CADM1: variants seen among roughly 807,000 people sequenced by gnomAD.
CADM1 encodes cell adhesion molecule 1, also known as TSLC-1.
Under a neutral mutation model 53.1 loss-of-function variants are expected in CADM1, and 15 were observed. The ratio of observed to expected loss-of-function variants is 0.28; its 90% CI spans 0.19 to 0.44. The LOEUF (loss-of-function observed/expected upper bound fraction) is 0.44, where lower values mean the gene tolerates loss of function less well. CADM1 is among the 20% of genes least tolerant of loss of function. The pLI, the probability that CADM1 is intolerant of heterozygous loss-of-function variation, is 1.00. For synonymous variants in CADM1, 281 were observed against 243.0 expected, an observed-to-expected ratio of 1.16 and a Z score of -1.45; for missense variants, 434 against 611.3, an observed-to-expected ratio of 0.71 and a Z score of 3.06.
intron 1 of CADM1, among the ~76,000 whole-genome samples, chr11:115,384,296 T>A (rs1160694958): frequency 6.6e-6 from 1 of 152,168 alleles, no homozygotes; most frequent in Non-Finnish European, 1.5e-5. Flanking sequence ...TATAGCCGAC[T>A]CATTAAAAGG....
At chr11:115,429,948 A>AG (rs1349624402) in intron 1 of CADM1, among the ~76,000 whole-genome samples, 9 of 152,168 alleles carry the variant, frequency 5.9e-5, no homozygotes, top group African/African-American at 2.2e-4. Context: ...TGAGGGCGTG[A>AG]GGGGGGATGA....
intron 9 of CADM1, among the ~76,000 whole-genome samples, chr11:115,197,052 C>G (rs1322260747): frequency 1.3e-5 from 2 of 152,132 alleles, no homozygotes; most frequent in Non-Finnish European, 2.9e-5. Flanking sequence ...TCCCTTTGCA[C>G]CAATGACCAG....
At chr11:115,488,116 C>T (rs1949417268) in intron 1 of CADM1, among the ~76,000 whole-genome samples, 1 of 151,840 alleles carries the variant, frequency 6.6e-6, no homozygotes. Flanking sequence ...CTCAAAACTT[C>T]AACTAATTGC....
chr11:115,255,201 G>T (rs1189879688), intron 1 of CADM1, among the ~76,000 whole-genome samples: 1 of 152,300 alleles, frequency 6.6e-6, no homozygotes, highest in African/African-American at 2.4e-5. Flanking sequence ...GTCAGTTAAG[G>T]TCTAGCTGCC....
At chr11:115,233,196 C>T (rs950998691) in intron 3 of CADM1, among the ~76,000 whole-genome samples, 12 of 152,084 alleles carry the variant, frequency 7.9e-5, no homozygotes, top group African/African-American at 2.7e-4. Context: ...TTCTTTGTTT[C>T]CCGTGTACAA....
chr11:115,344,061 A>C (rs1465858687), intron 1 of CADM1, among the ~76,000 whole-genome samples: 2 of 146,710 alleles, frequency 1.4e-5, no homozygotes, highest in Non-Finnish European at 3.0e-5. Flanking sequence ...CCAAACACTC[A>C]CCTACTTCCA....
At chr11:115,424,288 T>C (rs1307545429) in intron 1 of CADM1, among the ~76,000 whole-genome samples, 1 of 152,180 alleles carries the variant, frequency 6.6e-6, no homozygotes, top group African/African-American at 2.4e-5. Context: ...CTGTGTGTCA[T>C]CACAGGTCTC....
At chr11:115,390,012 G>C (rs536299109) in intron 1 of CADM1, among the ~76,000 whole-genome samples, 2 of 152,212 alleles carry the variant, frequency 1.3e-5, no homozygotes, top group South Asian at 2.1e-4. Flanking sequence ...GGAGACAGTC[G>C]TAAGTGGTAC....
At chr11:115,495,442 G>A (rs1329251478) in intron 1 of CADM1, among the ~76,000 whole-genome samples, 1 of 152,174 alleles carries the variant, frequency 6.6e-6, no homozygotes. Context: ...AGGGAAGGGT[G>A]TCAGGCAAGC....
chr11:115,198,118 G>A (rs980929572), intron 9 of CADM1, among the ~76,000 whole-genome samples: 3 of 152,202 alleles, frequency 2.0e-5, no homozygotes, highest in East Asian at 1.9e-4. Context: ...TGTATTTCAA[G>A]GTTTGGTGGA....
intron 7 of CADM1, among the ~76,000 whole-genome samples, chr11:115,210,786 A>T (rs1296226495): frequency 2.6e-5 from 4 of 152,204 alleles, no homozygotes; most frequent in Non-Finnish European, 5.9e-5. Flanking sequence ...GCAACTTCCC[A>T]AAAGTTTATA....
chr11:115,316,104 T>C (rs529814340), intron 1 of CADM1, among the ~76,000 whole-genome samples: 12 of 152,342 alleles, frequency 7.9e-5, no homozygotes, highest in African/African-American at 2.9e-4. Flanking sequence ...ATGCCCATTT[T>C]CCAAAGGATT....
At chr11:115,489,746 C>T (rs1199773628) in intron 1 of CADM1, among the ~76,000 whole-genome samples, 1 of 152,140 alleles carries the variant, frequency 6.6e-6, no homozygotes, top group Non-Finnish European at 1.5e-5. Flanking sequence ...TTAGGAGTAG[C>T]CCTTAGGGAA....
chr11:115,188,960 T>C (rs535247633), intron 10 of CADM1, among the ~76,000 whole-genome samples: 1 of 152,150 alleles, frequency 6.6e-6, no homozygotes, highest in Non-Finnish European at 1.5e-5. Context: ...TCACAATCAA[T>C]AGTAATTGAT....
chr11:115,328,258 C>G (rs1480044638), intron 1 of CADM1, among the ~76,000 whole-genome samples: 1 of 152,046 alleles, frequency 6.6e-6, no homozygotes, highest in South Asian at 2.1e-4. Context: ...TGATTTCTGC[C>G]TTCCCCAGCA....
At chr11:115,352,638 T>A (rs547110935) in intron 1 of CADM1, among the ~76,000 whole-genome samples, 2 of 152,150 alleles carry the variant, frequency 1.3e-5, no homozygotes, top group Non-Finnish European at 1.5e-5. Context: ...CAGAGAAGAC[T>A]TAGGAAGAAG....
At chr11:115,209,830 T>C (rs1395544129) in intron 7 of CADM1, among the ~76,000 whole-genome samples, 173 bp from the exon 8 acceptor site, 2 of 152,278 alleles carry the variant, frequency 1.3e-5, no homozygotes, top group Middle Eastern at 3.4e-3. Context: ...CCCAAAGCCT[T>C]AGTTGGAAGA....
chr11:115,366,943 A>T (rs961885275), intron 1 of CADM1, among the ~76,000 whole-genome samples: 2 of 152,250 alleles, frequency 1.3e-5, no homozygotes, highest in South Asian at 2.1e-4. Flanking sequence ...TGTGTGGTCA[A>T]TGCTTCCTTT....
intron 1 of CADM1, among the ~76,000 whole-genome samples, chr11:115,396,176 G>A (rs1946990081): frequency 6.6e-6 from 1 of 152,192 alleles, no homozygotes; most frequent in Non-Finnish European, 1.5e-5. Context: ...TCTCAGTTTG[G>A]CAGGGCCTCC....
Sources: gnomAD v4.1 joint callset for allele counts (sites outside exome capture counted in the v4.1 genomes callset) on GRCh38, gnomAD v4.1.1 for gene constraint, MANE v1.5 for transcripts, NCBI Gene and HGNC (gene_info 2026-07-23, HGNC 2026-07-21) for gene names.